Variants in SYT15 observed in about 807,000 individuals in gnomAD.
SYT15 encodes synaptotagmin 15, also known as synaptotagmin-15.
SYT15 carries 4 observed loss-of-function variants against 30.1 expected under a neutral mutation model. The ratio of observed to expected loss-of-function variants is 0.13; its 90% confidence interval spans 0.07 to 0.30. The LOEUF (loss-of-function observed/expected upper bound fraction) is 0.30, where lower values mean the gene tolerates loss of function less well. SYT15 is among the 10% of genes least tolerant of loss of function. The pLI, the probability that SYT15 is intolerant of heterozygous loss-of-function variation, is 1.00. For missense variants in SYT15, 49 were observed against 371.7 expected (o/e 0.13, Z 7.14); for synonymous variants, 19 against 166.3 (o/e 0.11, Z 6.82).
intron 5 of SYT15, 132 bp downstream of exon 5, chr10:46,584,034 GC>G: frequency 2.4e-6 from 1 of 411,060 alleles, no homozygotes; most frequent in South Asian, 5.5e-5. Flanking sequence ...AGGGAGGAGG[GC>G]CCAGGCCCCA....
rs1366684381 is a variant in SYT15 at position 46,591,217 on chromosome 10, G to T, written c.*3570G>T. 5.3e-5 allele frequency: 3 copies of T among 57,084 alleles called. No homozygotes were observed. The Admixed American group carries it at 6.2e-4, about 12-fold the overall frequency. 3.5% of individuals were successfully genotyped at this position (57,084 alleles called of 1,614,324 possible). ...TACAAAAACCACAAAAATTAGCCAG[G>T]TATGGTGTCACATGCCTGTTGTCCC... On this transcript the variant is annotated 3_prime_UTR_variant, in exon 8 of 8. Coordinates refer to ENST00000374321, the MANE Select transcript of SYT15 (RefSeq NM_031912.5).
intron 2 of SYT15, 149 bp from the exon 3 acceptor site, chr10:46,580,744 GT>G: frequency 3.7e-6 from 2 of 534,156 alleles, no homozygotes; most frequent in South Asian, 4.6e-5. Context: ...GTGTTGCCTG[GT>G]ATGGGCCCAG....
At chr10:46,596,688 C>T (rs1194533500), downstream of SYT15, 1 of 343,998 alleles carries the variant, frequency 2.9e-6, no homozygotes, top group Non-Finnish European at 5.6e-6. Flanking sequence ...TCCCTTACGC[C>T]TCTAGACTCT....
downstream of SYT15, chr10:46,596,219 T>C (rs548283414): frequency 9.9e-5 from 15 of 151,470 alleles, no homozygotes; most frequent in East Asian, 2.1e-3. Context: ...CAAACTGACA[T>C]TCCATGATGA....
downstream of SYT15, among the ~76,000 whole-genome samples, chr10:46,594,568 T>G (rs1453860826): frequency 7.0e-6 from 1 of 143,274 alleles, no homozygotes; most frequent in East Asian, 2.0e-4. Flanking sequence ...CCAGCTGCCT[T>G]GACAACCTCA....
At chr10:46,592,373 A>T, downstream of SYT15, among the ~76,000 whole-genome samples, 1 of 135,178 alleles carries the variant, frequency 7.4e-6, no homozygotes, top group African/African-American at 3.0e-5. Context: ...ACACCTAACG[A>T]GACATTATTA....
At chr10:46,596,173 T>G (rs1845677349), downstream of SYT15, 2 of 148,932 alleles carry the variant, frequency 1.3e-5, no homozygotes, top group Middle Eastern at 3.4e-3. Context: ...ACCCCCCTAC[T>G]GCAGAGCTGC....
intron 7 of SYT15, among the ~76,000 whole-genome samples, chr10:46,586,674 G>A (rs1211843617): frequency 7.1e-6 from 1 of 140,034 alleles, no homozygotes; most frequent in Non-Finnish European, 1.5e-5. Flanking sequence ...GTAAAATTCC[G>A]TCTGTACTAA....
In SYT15 at chr10:46,590,897, A is replaced by G. The variant is rs1845388848; in HGVS notation, c.*3250A>G. On this transcript the variant is annotated 3_prime_UTR_variant, in exon 8 of 8. Transcript: ENST00000374321. ...TTCTTTGGATGTGATGACTTATACT[A>G]ATTGACTGTTGAATGTCAAACCAAA... is the stretch of plus-strand genomic sequence containing the variant. 1 of 137,958 alleles carries G rather than the reference A, an allele frequency of 7.2e-6. No homozygotes were observed. Among genetic ancestry groups the G allele is most frequent in the Admixed American group, 7.2e-5 (1 of 13,868 alleles). 8.5% of individuals were successfully genotyped at this position (137,958 alleles called of 1,614,324 possible). A position where few individuals can be genotyped will look rare whatever the true frequency, so the allele number is the denominator to read the frequency against.
At position 46,588,771 on chromosome 10, in the gene SYT15, C is replaced by G. The variant is rs1845235022; in HGVS notation, c.*1124C>G. ...AGTGCAATGGCGTGATCTCGGCTCA[C>G]TGCACCCTCCACCTCCCAGGTTCAA... On this transcript the variant is annotated 3_prime_UTR_variant, in exon 8 of 8. Coordinates refer to ENST00000374321, the MANE Select transcript of SYT15 (RefSeq NM_031912.5). 1 of 133,228 alleles carries G rather than the reference C, an allele frequency of 7.5e-6. No homozygotes were observed. Among genetic ancestry groups the G allele is most frequent in the South Asian group, 2.5e-4 (1 of 3,980 alleles). The allele number at this position is 133,228 out of a possible 1,614,324, so 8.3% of individuals were successfully genotyped here. A position where few individuals can be genotyped will look rare whatever the true frequency, so the allele number is the denominator to read the frequency against.
chr10:46,580,720 G>A lies in SYT15; in HGVS notation c.213-174G>A, dbSNP rs1181458340. Among the ~76,000 whole-genome samples, 376 of 126,974 alleles carry A rather than the reference G, an allele frequency of 3.0e-3. 55 individuals carry two copies. Among genetic ancestry groups the A allele is most frequent in the African/African-American group, 0.011 (320 of 29,180 alleles). 83.3% of individuals were successfully genotyped at this position (126,974 alleles called of 152,430 possible). A position where few individuals can be genotyped will look rare whatever the true frequency, so the allele number is the denominator to read the frequency against. ...TGTGTGTGTGTGTGTGTGTGTGTGC[G>A]TGTGTGTGTGTGTGTGTTGCCTGGT... is the stretch of plus-strand genomic sequence containing the variant. On this transcript the variant is annotated intron_variant, in intron 2 of 7. Transcript: ENST00000374321.
chr10:46,592,155 T>C (rs2133464844), downstream of SYT15: 1 of 142,580 alleles, frequency 7.0e-6, no homozygotes, highest in East Asian at 2.0e-4. Flanking sequence ...CCCCCTACCA[T>C]TGGTTCTACT....
At chr10:46,586,856 GAAAA>G (rs1845026936) in intron 7 of SYT15, among the ~76,000 whole-genome samples, 5 of 24,272 alleles carry the variant, frequency 2.1e-4, no homozygotes, top group Non-Finnish European at 5.3e-4. Flanking sequence ...AAAAAAAAAA[GAAAA>G]GAAAAGAAAA....
Position 46,580,719 on chromosome 10 carries a change from C to CGT in SYT15, c.213-158_213-157dup, listed in dbSNP as rs10588658. Among the ~76,000 whole-genome samples the CGT allele has an allele frequency of 6.5e-4, 43 of 66,124 alleles. 7 individuals carry two copies. Among genetic ancestry groups the CGT allele is most frequent in the African/African-American group, 2.6e-3 (43 of 16,306 alleles). 43.4% of individuals were successfully genotyped at this position (66,124 alleles called of 152,430 possible). On this transcript the variant is annotated intron_variant, in intron 2 of 7. Transcript: ENST00000374321. ...GTGTGTGTGTGTGTGTGTGTGTGTG[C>CGT]GTGTGTGTGTGTGTGTGTTGCCTGG...
chr10:46,593,557 C>G (rs1397363923), downstream of SYT15: 1 of 148,744 alleles, frequency 6.7e-6, no homozygotes, highest in African/African-American at 2.5e-5. Flanking sequence ...CGCGCGCCAC[C>G]GTACTCCAGC....
At position 46,590,598 on chromosome 10, in the gene SYT15, A is replaced by T. The variant is rs1415111021; in HGVS notation, c.*2951A>T. The T allele has an allele frequency of 1.5e-5, 2 of 136,064 alleles. No homozygotes were observed. The highest frequency in any genetic ancestry group is 3.2e-5 in the Non-Finnish European group (2 of 63,490). The allele number at this position is 136,064 out of a possible 1,614,324, so 8.4% of individuals were successfully genotyped here. A position where few individuals can be genotyped will look rare whatever the true frequency, so the allele number is the denominator to read the frequency against. ...GTTGCAAGATATAAAATTGGTATACAAATTGCAGTGGCTAGGACCTCCAGC... is the reference window on the plus strand; with the variant it reads ...GTTGCAAGATATAAAATTGGTATACTAATTGCAGTGGCTAGGACCTCCAGC... On this transcript the variant is annotated 3_prime_UTR_variant, in exon 8 of 8. Coordinates refer to ENST00000374321, the MANE Select transcript of SYT15 (RefSeq NM_031912.5).
intron 7 of SYT15, among the ~76,000 whole-genome samples, chr10:46,586,241 CAAAAAAAAAAAA>C (rs375456623): frequency 9.2e-5 from 2 of 21,644 alleles, no homozygotes; most frequent in Admixed American, 3.9e-4. Context: ...CTGAATCTGT[CAAAAAAAAAAAA>C]AAAAAAAAAA....
downstream of SYT15, chr10:46,596,774 T>A: frequency 4.7e-6 from 2 of 427,074 alleles, no homozygotes; most frequent in South Asian, 3.3e-5. Context: ...GAAACACTGC[T>A]ACCCGCCCAA....
chr10:46,586,612 C>T (rs1352523126), intron 7 of SYT15, among the ~76,000 whole-genome samples: 6 of 140,312 alleles, frequency 4.3e-5, no homozygotes, highest in East Asian at 2.0e-4. Flanking sequence ...TTTGGGAGAC[C>T]GAGAGGGGTG....
Sources: gnomAD v4.1 joint callset for allele counts (sites outside exome capture counted in the v4.1 genomes callset) on GRCh38, gnomAD v4.1.1 for gene constraint, MANE v1.5 for transcripts, NCBI Gene and HGNC (gene_info 2026-07-23, HGNC 2026-07-21) for gene names.